Variants in UBE2E3 observed in about 807,000 individuals in gnomAD.
The protein encoded by UBE2E3 is ubiquitin-conjugating enzyme E2 E3.
In UBE2E3, 5 loss-of-function variants were observed where a neutral mutation model predicts 23.6. The ratio of observed to expected loss-of-function variants is 0.21; its 90% confidence interval spans 0.11 to 0.44. The LOEUF (loss-of-function observed/expected upper bound fraction) is 0.44. Ranked by LOEUF, UBE2E3 falls within the 20% of genes least tolerant of loss-of-function variation. The probability of loss-of-function intolerance (pLI) is 0.99; values close to 1 mark genes in which losing one functional copy is unlikely to be tolerated. For synonymous variants in UBE2E3, 78 were observed against 87.5 expected (o/e 0.89, Z 0.60); for missense variants, 81 against 249.8 (o/e 0.32, Z 4.55).
chr2:181,038,353 C>G (rs578189368), intron 3 of UBE2E3, among the ~76,000 whole-genome samples: 4 of 152,312 alleles, frequency 2.6e-5, no homozygotes, highest in African/African-American at 9.6e-5. Flanking sequence ...GCTGTACCAT[C>G]TAGCTTTGTG....
At chr2:180,999,670 A>C (rs1191664449) in intron 3 of UBE2E3, among the ~76,000 whole-genome samples, 1 of 152,120 alleles carries the variant, frequency 6.6e-6, no homozygotes, top group Non-Finnish European at 1.5e-5. Context: ...AAAATATAAA[A>C]CAGACCTTGT....
chr2:181,040,905 A>G (rs1427419744), intron 3 of UBE2E3, among the ~76,000 whole-genome samples: 1 of 144,416 alleles, frequency 6.9e-6, no homozygotes, highest in African/African-American at 2.5e-5. Flanking sequence ...TTTCATAAGT[A>G]GACTCTTAGA....
intron 3 of UBE2E3, among the ~76,000 whole-genome samples, chr2:181,046,899 C>T (rs1686687502): frequency 6.6e-6 from 1 of 152,102 alleles, no homozygotes. Context: ...GCCCCTGTCC[C>T]TCTTATTTTT....
At chr2:181,025,340 T>G (rs1685849812) in intron 3 of UBE2E3, among the ~76,000 whole-genome samples, 1 of 151,992 alleles carries the variant, frequency 6.6e-6, no homozygotes, top group African/African-American at 2.4e-5. Flanking sequence ...TTATTACCAC[T>G]ATGCAAATAA....
At chr2:181,036,757 G>A (rs1427722557) in intron 3 of UBE2E3, among the ~76,000 whole-genome samples, 4 of 152,156 alleles carry the variant, frequency 2.6e-5, no homozygotes, top group Non-Finnish European at 5.9e-5. Flanking sequence ...TTTCTTAACT[G>A]TATGTATAGC....
At chr2:181,017,911 C>T (rs1369829551) in intron 3 of UBE2E3, among the ~76,000 whole-genome samples, 2 of 151,292 alleles carry the variant, frequency 1.3e-5, no homozygotes, top group African/African-American at 2.4e-5. Context: ...GGAATCCCAG[C>T]TTCATGTCAG....
At chr2:181,001,664 C>G (rs1684994634) in intron 3 of UBE2E3, among the ~76,000 whole-genome samples, 1 of 152,056 alleles carries the variant, frequency 6.6e-6, no homozygotes, top group South Asian at 2.1e-4. Flanking sequence ...CATGTAAAGG[C>G]CATAGGAAAT....
At chr2:181,055,827 G>C (rs968137746) in intron 3 of UBE2E3, among the ~76,000 whole-genome samples, 6 of 151,604 alleles carry the variant, frequency 4.0e-5, no homozygotes, top group Admixed American at 1.3e-4. Flanking sequence ...TTTGAGGAGA[G>C]TTTAAGGCGT....
chr2:180,985,253 A>G (rs1684421163), intron 3 of UBE2E3, among the ~76,000 whole-genome samples: 1 of 152,192 alleles, frequency 6.6e-6, no homozygotes, highest in African/African-American at 2.4e-5. Flanking sequence ...GTGAGATCTC[A>G]AAGTATTACT....
chr2:180,996,522 A>G (rs1202365463), intron 3 of UBE2E3, among the ~76,000 whole-genome samples: 1 of 152,162 alleles, frequency 6.6e-6, no homozygotes, highest in African/African-American at 2.4e-5. Flanking sequence ...GTTTCTCATC[A>G]GGGGCATCTT....
chr2:181,021,558 T>TTCCTTCCTTCCTTCCTCCCTCCCTCCCTC (rs1685679675), intron 3 of UBE2E3, among the ~76,000 whole-genome samples: 1 of 56,544 alleles, frequency 1.8e-5, no homozygotes, highest in African/African-American at 9.5e-5. Context: ...TATACTCCCT[T>TTCCTTCCTTCCTTCCTCCCTCCCTCCCTC]CCTTCCTTCC....
rs1276061828 is a variant in UBE2E3 at position 181,061,369 on chromosome 2, C to T, written c.526+557C>T. Among the ~76,000 whole-genome samples the T allele has an allele frequency of 1.3e-3, 11 of 8,512 alleles. 5 individuals carry two copies. Among genetic ancestry groups the T allele is most frequent in the African/African-American group, 5.7e-3 (7 of 1,226 alleles). 5.6% of individuals were successfully genotyped at this position (8,512 alleles called of 152,430 possible). A position where few individuals can be genotyped will look rare whatever the true frequency, so the allele number is the denominator to read the frequency against. On this transcript the variant is annotated intron_variant, in intron 5 of 5. Transcript: ENST00000410062. The stretch of plus-strand genomic sequence containing the variant: ...CGATCTCTTGACCTCATGATCCACC[C>T]GCCTCGGCCTCCCAAAGTGCTGGGA...
chr2:181,007,500 GTTT>G (rs3060035), intron 3 of UBE2E3, among the ~76,000 whole-genome samples: 1 of 145,948 alleles, frequency 6.9e-6, no homozygotes, highest in Non-Finnish European at 1.5e-5. Context: ...AAGTATAATT[GTTT>G]TTTTTTTTTT....
At chr2:180,990,924 TCAGAATG>T (rs1004914734) in intron 3 of UBE2E3, among the ~76,000 whole-genome samples, 7 of 152,242 alleles carry the variant, frequency 4.6e-5, no homozygotes, top group Non-Finnish European at 1.0e-4. Flanking sequence ...CAGATGTGTT[TCAGAATG>T]CAGAAAGTTT....
At chr2:181,047,161 T>G (rs991559673) in intron 3 of UBE2E3, among the ~76,000 whole-genome samples, 14 of 152,150 alleles carry the variant, frequency 9.2e-5, no homozygotes, top group Non-Finnish European at 1.5e-4. Context: ...AAACCCAGCT[T>G]CTTTCCATAT....
At chr2:181,017,244 G>GT (rs778784353) in intron 3 of UBE2E3, among the ~76,000 whole-genome samples, 6 of 152,284 alleles carry the variant, frequency 3.9e-5, no homozygotes, top group Non-Finnish European at 5.9e-5. Context: ...ATTAAAGTGG[G>GT]ATACAGTGGT....
At chr2:181,020,309 C>A (rs1559123686) in intron 3 of UBE2E3, among the ~76,000 whole-genome samples, 1 of 152,166 alleles carries the variant, frequency 6.6e-6, no homozygotes, top group Non-Finnish European at 1.5e-5. Flanking sequence ...TGGCTGCCTT[C>A]TTCCTGAGTA....
intron 3 of UBE2E3, among the ~76,000 whole-genome samples, chr2:181,027,260 G>C (rs111913304): frequency 0.011 from 1,610 of 151,910 alleles, 21 homozygotes; most frequent in African/African-American, 0.037. Context: ...TTAAATCTTT[G>C]ACTAAAAGAT....
intron 3 of UBE2E3, among the ~76,000 whole-genome samples, chr2:180,997,136 CTCT>C (rs1203603814): frequency 3.3e-5 from 5 of 150,636 alleles, no homozygotes; most frequent in Non-Finnish European, 7.4e-5. Flanking sequence ...CTTCTAATCT[CTCT>C]TCAATTATTT....
Sources: allele counts gnomAD v4.1 joint callset (sites outside exome capture counted in the v4.1 genomes callset), GRCh38; gene constraint gnomAD v4.1.1; transcripts MANE v1.5; gene names NCBI Gene and HGNC (gene_info 2026-07-23, HGNC 2026-07-21).